Variants in CIT observed in about 807,000 individuals in gnomAD.
CIT encodes the protein citron Rho-interacting kinase.
A neutral mutation model predicts 272.7 loss-of-function variants in CIT; 79 were observed. The ratio of observed to expected loss-of-function variants is 0.29; its 90% CI spans 0.24 to 0.35. The LOEUF is 0.35. Among genes scored for constraint, CIT ranks in the 10% least tolerant of loss-of-function variants. The probability of loss-of-function intolerance (pLI) is 1.00; values close to 1 mark genes in which losing one functional copy is unlikely to be tolerated. For missense variants in CIT, 1,909 were observed against 2,618.3 expected, an observed-to-expected ratio of 0.73 and a Z score of 5.91; for synonymous variants, 948 against 995.6, an observed-to-expected ratio of 0.95 and a Z score of 0.90.
chr12:119,865,009 G>A (rs895007716), intron 3 of CIT, among the ~76,000 whole-genome samples: 4 of 151,936 alleles, frequency 2.6e-5, no homozygotes, highest in African/African-American at 4.8e-5. Context: ...AGCAGCTGAG[G>A]GACCCTTCTC....
chr12:119,726,535 C>A (rs146233169), intron 28 of CIT, among the ~76,000 whole-genome samples: 2 of 151,738 alleles, frequency 1.3e-5, no homozygotes, highest in African/African-American at 2.4e-5. Flanking sequence ...TATACTCACC[C>A]GCAAAAATGT....
In CIT at chr12:119,770,158, C is replaced by T. The variant is rs1361937299; in HGVS notation, c.2208+627G>A. 2.0e-5 allele frequency among the ~76,000 whole-genome samples: 3 copies of T among 152,116 alleles called. No homozygotes were observed. The highest frequency in any genetic ancestry group is 6.5e-5 in the Admixed American group (1 of 15,274). ...CGTCAACACATCTGCAAATACCACC[C>T]GAACCTTCCTTGATCAAGTTAATTT... is the stretch of plus-strand genomic sequence containing the variant. On this transcript the variant is annotated intron_variant, in intron 18 of 47. Transcript: ENST00000392521. This position sits in a 1 kb window ranked among gnomAD's most constrained non-coding sequence, Gnocchi z 4.4.
At chr12:119,807,148 GT>G (rs1966658969) in intron 9 of CIT, among the ~76,000 whole-genome samples, 1 of 152,130 alleles carries the variant, frequency 6.6e-6, no homozygotes, top group Admixed American at 6.5e-5. Flanking sequence ...TTGTAACAAG[GT>G]CCCCAGGTGA....
intron 5 of CIT, among the ~76,000 whole-genome samples, chr12:119,842,964 C>A (rs1969510247): frequency 6.6e-6 from 1 of 152,156 alleles, no homozygotes; most frequent in African/African-American, 2.4e-5. Context: ...CCTAGTGGGA[C>A]AGACCAGCAC....
In CIT at chr12:119,704,458, G is replaced by A. The variant is rs1956765719; in HGVS notation, c.5212-3C>T. The stretch of plus-strand genomic sequence containing the variant: ...CAGATGCAGAGCCCGTTCTCAATCT[G>A]AAAAGCAACCAAGAAAAGAAAAAGA... On this transcript the variant is annotated splice_region_variant and splice_polypyrimidine_tract_variant and intron_variant, in intron 40 of 47. Transcript: ENST00000392521. The A allele has an allele frequency of 1.2e-6, 2 of 1,613,636 alleles. No homozygotes were observed. Among genetic ancestry groups the A allele is most frequent in the African/African-American group, 2.7e-5 (2 of 74,898 alleles).
chr12:119,703,996 T>C lies in CIT; in HGVS notation c.5304+367A>G, dbSNP rs551333606. Among the ~76,000 whole-genome samples the C allele has an allele frequency of 6.6e-5, 10 of 152,260 alleles. No homozygotes were observed. The East Asian group carries it at 1.7e-3, about 26-fold the overall frequency. ...GACACCTCTAGAATTTGAGAAAGAT[T>C]CTGATAAGTGCTACCTGGGACTGCT... On this transcript the variant is annotated intron_variant, in intron 41 of 47. Transcript: ENST00000392521.
intron 2 of CIT, among the ~76,000 whole-genome samples, chr12:119,871,751 T>A (rs939324463): frequency 1.3e-5 from 2 of 151,984 alleles, no homozygotes; most frequent in Non-Finnish European, 2.9e-5. Flanking sequence ...TAGCCACTTG[T>A]GAGACTGAGG....
At chr12:119,815,105 AACAC>A (rs3858712) in intron 9 of CIT, among the ~76,000 whole-genome samples, 4,550 of 143,098 alleles carry the variant, frequency 0.032, 199 homozygotes, top group African/African-American at 0.098. Context: ...ACACACACAC[AACAC>A]ACACACACAC....
At chr12:119,717,121 T>A (rs1957533641) in intron 32 of CIT, among the ~76,000 whole-genome samples, 1 of 152,244 alleles carries the variant, frequency 6.6e-6, no homozygotes. Flanking sequence ...GGCTTTATCT[T>A]GGCTCACTGC....
In CIT at chr12:119,710,234, T is replaced by G; in HGVS notation, c.5071+17A>C. 6.2e-7 allele frequency: 1 copy of G among 1,606,318 alleles called. No homozygotes were observed. The highest frequency in any genetic ancestry group is 8.5e-7 in the Non-Finnish European group (1 of 1,178,012). On this transcript the variant is annotated intron_variant, in intron 39 of 47. Transcript: ENST00000392521. This position sits in a 1 kb window ranked among gnomAD's most constrained non-coding sequence, Gnocchi z 5.6. ...CCTTGAAAGTAAAGAAAAAACACCA[T>G]GTCCTTGGCCTCACACCTGCTATCA...
intron 13 of CIT, among the ~76,000 whole-genome samples, chr12:119,778,491 T>C (rs761428987): frequency 3.9e-5 from 6 of 152,200 alleles, no homozygotes; most frequent in Non-Finnish European, 8.8e-5. Context: ...ATCTCTGAGA[T>C]CCACTCTCCC....
intron 2 of CIT, 147 bp downstream of exon 2, chr12:119,875,926 T>G (rs945827845): frequency 2.0e-5 from 11 of 541,584 alleles, no homozygotes; most frequent in Non-Finnish European, 3.3e-5. Flanking sequence ...AGGCGGAGGT[T>G]GCAGTGAGCT....
chr12:119,871,507 C>T (rs747115381), intron 2 of CIT, among the ~76,000 whole-genome samples: 2 of 152,136 alleles, frequency 1.3e-5, no homozygotes, highest in Non-Finnish European at 2.9e-5. Flanking sequence ...CCCCCTCCCC[C>T]ACAACCAAAT....
At position 119,776,655 on chromosome 12, in the gene CIT, G is replaced by A; in HGVS notation, c.1836+17C>T. The A allele has an allele frequency of 6.2e-7, 1 of 1,611,104 alleles. No individual in the cohort carries two copies. Among genetic ancestry groups the A allele is most frequent in the Non-Finnish European group, 8.5e-7 (1 of 1,178,470 alleles). On this transcript the variant is annotated intron_variant, in intron 14 of 47. Transcript: ENST00000392521. Reference sequence around the variant, plus strand: ...AATTTTACCCAAAAAGCACCCTCCTGGAGGGTGGCTGACTACCTTCAACAG... The same window carrying A: ...AATTTTACCCAAAAAGCACCCTCCTAGAGGGTGGCTGACTACCTTCAACAG...
intron 10 of CIT, among the ~76,000 whole-genome samples, chr12:119,794,352 AG>A (rs1372966965): frequency 6.6e-6 from 1 of 152,234 alleles, no homozygotes; most frequent in Non-Finnish European, 1.5e-5. Flanking sequence ...GCCAGTTTAA[AG>A]GTCACCGTGG....
chr12:119,802,546 ATCAATGAC>A (rs1966287024), intron 10 of CIT, among the ~76,000 whole-genome samples: 1 of 152,120 alleles, frequency 6.6e-6, no homozygotes, highest in Non-Finnish European at 1.5e-5. Context: ...GTTTCTGTGA[ATCAATGAC>A]TCGGCTACAT....
chr12:119,760,890 T>A (rs921816594), intron 20 of CIT, 49 bp downstream of exon 20: 4 of 1,222,206 alleles, frequency 3.3e-6, no homozygotes, highest in Non-Finnish European at 4.9e-6. Flanking sequence ...TCTTGGCATA[T>A]TTCAAAAACC....
chr12:119,841,684 T>A (rs1430787531), intron 5 of CIT, among the ~76,000 whole-genome samples: 2 of 152,182 alleles, frequency 1.3e-5, no homozygotes, highest in African/African-American at 4.8e-5. Context: ...AACTTCCGCA[T>A]CCATCTATAG....
chr12:119,844,274 G>A (rs55901458), intron 5 of CIT, among the ~76,000 whole-genome samples: 5,031 of 151,900 alleles, frequency 0.033, 268 homozygotes, highest in African/African-American at 0.11. Flanking sequence ...CGCTCGCCTC[G>A]GCCTCCCAAA....
Sources: gnomAD v4.1 joint callset for allele counts (sites outside exome capture counted in the v4.1 genomes callset) on GRCh38, gnomAD v4.1.1 for gene constraint, Gnocchi (gnomAD v3.1) non-coding constraint, MANE v1.5 for transcripts, NCBI Gene and HGNC (gene_info 2026-07-23, HGNC 2026-07-21) for gene names.